The following SIGLEC6 variants were observed in gnomAD, a reference collection of about 807,000 sequenced individuals.
The protein encoded by SIGLEC6 is sialic acid binding Ig like lectin 6.
SIGLEC6 carries 31 observed loss-of-function variants against 41.4 expected under a neutral mutation model. The ratio of observed to expected loss-of-function variants is 0.75; its 90% confidence interval spans 0.56 to 1.01. SIGLEC6 has a LOEUF of 1.01. SIGLEC6 is among the 50% of genes least tolerant of loss of function. SIGLEC6 has a pLI of 0.00. For missense variants in SIGLEC6, 555 were observed against 558.6 expected, an observed-to-expected ratio of 0.99 and a Z score of 0.06; for synonymous variants, 217 against 231.0, an observed-to-expected ratio of 0.94 and a Z score of 0.55.
intron 7 of SIGLEC6, 36 bp downstream of exon 7, chr19:51,527,711 T>C (rs1568551019): frequency 6.3e-7 from 1 of 1,584,126 alleles, no homozygotes; most frequent in Non-Finnish European, 8.7e-7. Context: ...TCAAAAGGGA[T>C]AATGCTGAAT....
chr19:51,528,109 G>A lies in SIGLEC6; in HGVS notation c.1106+51C>T, dbSNP rs747433843. On this transcript the variant is annotated intron_variant, in intron 6 of 7. Coordinates refer to ENST00000425629, the MANE Select transcript of SIGLEC6 (RefSeq NM_001245.7). ...GGTTTTCTGAGATTCTGCCACCTGTGTGCCCTTCCCACATGAAGTCTTTCT... is the reference window on the plus strand; with the variant it reads ...GGTTTTCTGAGATTCTGCCACCTGTATGCCCTTCCCACATGAAGTCTTTCT... 5 of 1,509,266 alleles carry A rather than the reference G, an allele frequency of 3.3e-6. No individual in the cohort carries two copies. In the South Asian group the frequency reaches 5.6e-5, roughly 17 times the overall value. The allele number at this position is 1,509,266 out of a possible 1,614,324, so 93.5% of individuals were successfully genotyped here.
At position 51,519,915 on chromosome 19, in the gene SIGLEC6, C is replaced by A; in HGVS notation, c.*167G>T. ...AAGAGAGGCCTTAGAAGGGACCAAC[C>A]CTGATAACACCTTGTTCTCAGACCT... On this transcript the variant is annotated 3_prime_UTR_variant, in exon 8 of 8. Transcript: ENST00000425629. 1.2e-5 allele frequency: 6 copies of A among 518,452 alleles called. No homozygotes were observed. The highest frequency in any genetic ancestry group is 3.4e-5 in the East Asian group (1 of 29,468). 32.1% of individuals were successfully genotyped at this position (518,452 alleles called of 1,614,324 possible).
At position 51,531,432 on chromosome 19, in the gene SIGLEC6, C is replaced by G. The variant is rs1164628418; in HGVS notation, c.155G>C (p.Arg52Thr). ...QEGLCVLVPC[R>T]LPTTLPASYY... ...CGAGGCTGGAAGGGTAGTGGGCAATCTGCAGGGTACGAGGACGCACAGACC... is the reference window on the plus strand; with the variant it reads ...CGAGGCTGGAAGGGTAGTGGGCAATGTGCAGGGTACGAGGACGCACAGACC... Residue 52 changes from arginine to threonine, a missense_variant, in exon 2 of 8, where the codon AGA becomes ACA. Coordinates refer to ENST00000425629, the MANE Select transcript of SIGLEC6 (RefSeq NM_001245.7). 2.5e-6 allele frequency: 4 copies of G among 1,614,020 alleles called. No individual in the cohort carries two copies. In the African/African-American group the frequency reaches 5.3e-5, roughly 22 times the overall value.
intron 7 of SIGLEC6, 72 bp from the exon 8 acceptor site, chr19:51,520,327 G>A (rs2122281346): frequency 7.5e-6 from 8 of 1,070,604 alleles, no homozygotes; most frequent in Non-Finnish European, 1.1e-5. Context: ...GGATCAGAAA[G>A]GGAGTAGAAC....
chr19:51,523,240 CA>C (rs1263678520), intron 7 of SIGLEC6, among the ~76,000 whole-genome samples: 1 of 151,936 alleles, frequency 6.6e-6, no homozygotes, highest in Non-Finnish European at 1.5e-5. Flanking sequence ...AAGAAAATAG[CA>C]ATGAACTAAA....
At chr19:51,526,190 C>T (rs1979197997) in intron 7 of SIGLEC6, among the ~76,000 whole-genome samples, 1 of 152,174 alleles carries the variant, frequency 6.6e-6, no homozygotes, top group South Asian at 2.1e-4. Context: ...CTGCTCCAAG[C>T]TGGGGAGGAA....
intron 5 of SIGLEC6, chr19:51,529,441 G>T (rs1979808177): frequency 4.3e-6 from 2 of 461,592 alleles, no homozygotes; most frequent in South Asian, 2.3e-5. Flanking sequence ...CTGAATCCCT[G>T]GCAGGGGCTC....
At chr19:51,530,105 C>T in intron 4 of SIGLEC6, 124 bp from the exon 5 acceptor site, 1 of 1,236,278 alleles carries the variant, frequency 8.1e-7, no homozygotes, top group Admixed American at 2.4e-5. Context: ...GGCCTCAGGT[C>T]TTCAGAAAAG....
At chr19:51,529,697 C>G in intron 5 of SIGLEC6, 27 bp downstream of exon 5, 1 of 1,613,400 alleles carries the variant, frequency 6.2e-7, no homozygotes, top group African/African-American at 1.3e-5. Context: ...GCTGCCCACA[C>G]TCTCGCGCAC....
Position 51,530,883 on chromosome 19 carries a change from C to T in SIGLEC6, c.504G>A (p.Val168=), listed in dbSNP as rs1980187172. ...SGHPSNLTCS[V]PWVCEQGTPP... ...GCGTCCCCTGCTCACAGACCCAGGG[C>T]ACAGAGCAGGTCAGATTGCTGGGAT... Residue 168 remains valine (V), a synonymous_variant, in exon 3 of 8, where the codon GTG becomes GTA. Coordinates refer to ENST00000425629, the MANE Select transcript of SIGLEC6 (RefSeq NM_001245.7). The T allele has an allele frequency of 6.2e-7, 1 of 1,613,672 alleles. No homozygotes were observed. Among genetic ancestry groups the T allele is most frequent in the African/African-American group, 1.3e-5 (1 of 74,878 alleles).
Position 51,519,877 on chromosome 19 carries a change from T to C in SIGLEC6, c.*205A>G. The C allele has an allele frequency of 1.2e-5, 4 of 342,004 alleles. No individual in the cohort carries two copies. Among genetic ancestry groups the C allele is most frequent in the South Asian group, 1.1e-4 (1 of 9,506 alleles). 21.2% of individuals were successfully genotyped at this position (342,004 alleles called of 1,614,324 possible). ...TGAAGACACAAGGAGGAGACAGCCA[T>C]CTACAAGCCAACAAGAGAGGCCTTA... On this transcript the variant is annotated 3_prime_UTR_variant, in exon 8 of 8. Coordinates refer to ENST00000425629, the MANE Select transcript of SIGLEC6 (RefSeq NM_001245.7).
At position 51,519,601 on chromosome 19, in the gene SIGLEC6, A is replaced by G. The variant is rs1486553713; in HGVS notation, c.*481T>C. 1 of 152,268 alleles carries G rather than the reference A, an allele frequency of 6.6e-6. No homozygotes were observed. The highest frequency in any genetic ancestry group is 2.4e-5 in the African/African-American group (1 of 41,474). The allele number at this position is 152,268 out of a possible 1,614,324, so 9.4% of individuals were successfully genotyped here. ...CTGCCATATATACGAAGGTATTTATATAGTCCATTTACAACAAAAACATTA... is the reference window on the plus strand; with the variant it reads ...CTGCCATATATACGAAGGTATTTATGTAGTCCATTTACAACAAAAACATTA... On this transcript the variant is annotated 3_prime_UTR_variant, in exon 8 of 8. Coordinates refer to ENST00000425629, the MANE Select transcript of SIGLEC6 (RefSeq NM_001245.7).
At position 51,519,576 on chromosome 19, in the gene SIGLEC6, C is replaced by G. The variant is rs547718928; in HGVS notation, c.*506G>C. The G allele has an allele frequency of 6.6e-6, 1 of 152,244 alleles. No homozygotes were observed. Among genetic ancestry groups the G allele is most frequent in the African/African-American group, 2.4e-5 (1 of 41,536 alleles). 9.4% of individuals were successfully genotyped at this position (152,244 alleles called of 1,614,324 possible). On this transcript the variant is annotated 3_prime_UTR_variant, in exon 8 of 8. Transcript: ENST00000425629. ...TTCTCTTGGACAGAAGTCCTGTGGT[C>G]TGCCATATATACGAAGGTATTTATA...
intron 5 of SIGLEC6, chr19:51,528,478 C>T (rs1432870696): frequency 1.2e-5 from 7 of 572,158 alleles, no homozygotes; most frequent in African/African-American, 3.8e-5. Context: ...TTGTCTGGGC[C>T]TTGGAAACAT....
chr19:51,529,672 T>C, intron 5 of SIGLEC6, 52 bp downstream of exon 5: 2 of 1,608,860 alleles, frequency 1.2e-6, no homozygotes, highest in Non-Finnish European at 1.7e-6. Flanking sequence ...CTGAATACTA[T>C]GGAGCTCTCG....
intron 7 of SIGLEC6, among the ~76,000 whole-genome samples, chr19:51,522,629 A>G (rs1336618599): frequency 6.7e-6 from 1 of 149,378 alleles, no homozygotes; most frequent in East Asian, 2.0e-4. Context: ...CTAATCCCTA[A>G]CCCACAAAAA....
intron 5 of SIGLEC6, 179 bp from the exon 6 acceptor site, chr19:51,528,432 A>C: frequency 3.3e-6 from 2 of 599,936 alleles, no homozygotes; most frequent in Non-Finnish European, 6.0e-6. Context: ...CCTTCCCCCA[A>C]CTGCAAGACT....
At chr19:51,525,962 AC>A (rs1397325424) in intron 7 of SIGLEC6, among the ~76,000 whole-genome samples, 1 of 151,966 alleles carries the variant, frequency 6.6e-6, no homozygotes, top group East Asian at 1.9e-4. Flanking sequence ...CCAGCATGCC[AC>A]AGCTGCACTA....
rs1990742539 is a variant in SIGLEC6 at position 51,519,532 on chromosome 19, T to C, written c.*550A>G. 1 of 152,200 alleles carries C rather than the reference T, an allele frequency of 6.6e-6. No individual in the cohort carries two copies. Among genetic ancestry groups the C allele is most frequent in the African/African-American group, 2.4e-5 (1 of 41,462 alleles). 9.4% of individuals were successfully genotyped at this position (152,200 alleles called of 1,614,324 possible). On this transcript the variant is annotated 3_prime_UTR_variant, in exon 8 of 8. Transcript: ENST00000425629. ...AAAGCGACTTGCTCAATAGCTGGCATAGATGGAGTTGAACTCAGTTCTCTT... is the reference window on the plus strand; with the variant it reads ...AAAGCGACTTGCTCAATAGCTGGCACAGATGGAGTTGAACTCAGTTCTCTT...
Sources: allele counts gnomAD v4.1 joint callset (sites outside exome capture counted in the v4.1 genomes callset), GRCh38; gene constraint gnomAD v4.1.1; transcripts MANE v1.5; gene names NCBI Gene and HGNC (gene_info 2026-07-23, HGNC 2026-07-21).